FGD4: variants seen among roughly 807,000 people sequenced by gnomAD.
FGD4 encodes FYVE, RhoGEF and PH domain containing 4.
Under a neutral mutation model 102.0 loss-of-function variants are expected in FGD4, and 42 were observed. That is an observed-to-expected ratio of 0.41 (90% CI 0.32 to 0.53). The LOEUF is 0.53. FGD4 is among the 20% of genes least tolerant of loss of function. The probability of loss-of-function intolerance (pLI) is 0.21; values close to 1 mark genes in which losing one functional copy is unlikely to be tolerated. For synonymous variants in FGD4, 380 were observed against 375.7 expected, an observed-to-expected ratio of 1.01 and a Z score of -0.13; for missense variants, 902 against 1,078.2, an observed-to-expected ratio of 0.84 and a Z score of 2.29.
At chr12:32,593,689 T>G (rs4931023) in intron 4 of FGD4, among the ~76,000 whole-genome samples, 63,849 of 151,784 alleles carry the variant, frequency 0.42, 14,891 homozygotes, top group African/African-American at 0.63. Context: ...TACACAGTTA[T>G]ATCTGTTAGT....
At chr12:32,457,070 AG>A (rs1942967708) in intron 1 of FGD4, among the ~76,000 whole-genome samples, 1 of 152,192 alleles carries the variant, frequency 6.6e-6, no homozygotes, top group Non-Finnish European at 1.5e-5. Context: ...GACTTGATGA[AG>A]GGATTGAGTT....
At chr12:32,416,432 C>T (rs1042067856) in intron 1 of FGD4, among the ~76,000 whole-genome samples, 1 of 152,142 alleles carries the variant, frequency 6.6e-6, no homozygotes, top group South Asian at 2.1e-4. Context: ...TTCCTTCTTT[C>T]CTGTCTTCCT....
At chr12:32,576,196 G>C in intron 2 of FGD4, 70 bp from the exon 3 acceptor site, 4 of 1,483,968 alleles carry the variant, frequency 2.7e-6, no homozygotes, top group Non-Finnish European at 3.7e-6. Flanking sequence ...TTTGCACCCA[G>C]GACACCAGAA....
intron 5 of FGD4, among the ~76,000 whole-genome samples, chr12:32,599,308 C>A (rs1204718947): frequency 6.7e-6 from 1 of 148,844 alleles, no homozygotes; most frequent in East Asian, 2.0e-4. Flanking sequence ...TCCTGGCTAA[C>A]ACGGTGAAAC....
chr12:32,490,324 T>A (rs565022094), intron 1 of FGD4, among the ~76,000 whole-genome samples: 1 of 152,232 alleles, frequency 6.6e-6, no homozygotes, highest in East Asian at 1.9e-4. Flanking sequence ...TGGACTGTGT[T>A]TTCTATTTTA....
chr12:32,570,240 CAAAAA>C (rs150913094), intron 2 of FGD4, among the ~76,000 whole-genome samples: 3 of 67,626 alleles, frequency 4.4e-5, no homozygotes, highest in African/African-American at 5.1e-5. Flanking sequence ...GACGCTGTCT[CAAAAA>C]AAAAAAAAAA....
intron 1 of FGD4, among the ~76,000 whole-genome samples, chr12:32,518,655 T>C (rs545180664): frequency 1.3e-5 from 2 of 152,326 alleles, no homozygotes; most frequent in South Asian, 4.1e-4. Context: ...GTCCATGGCA[T>C]TTTAAGCATG....
chr12:32,408,555 G>A (rs771318792), intron 1 of FGD4, among the ~76,000 whole-genome samples: 52 of 152,128 alleles, frequency 3.4e-4, no homozygotes, highest in Non-Finnish European at 6.5e-4. Context: ...CACCTGCCTC[G>A]ACCTCACCAT....
intron 1 of FGD4, among the ~76,000 whole-genome samples, chr12:32,553,691 T>A (rs1943879995): frequency 6.6e-6 from 1 of 152,230 alleles, no homozygotes; most frequent in Non-Finnish European, 1.5e-5. Flanking sequence ...TCTCAAGCCA[T>A]TTGCTTTACC....
In FGD4 at chr12:32,580,756, G is replaced by A. The variant is rs368678862; in HGVS notation, c.504-1204G>A. 2.7e-3 allele frequency among the ~76,000 whole-genome samples: 403 copies of A among 152,068 alleles called. 1 individual carries two copies. Among genetic ancestry groups the A allele is most frequent in the African/African-American group, 8.8e-3 (367 of 41,504 alleles). ...CAAAAAATTAGCCGGGCGTGGTGGC[G>A]GGCGCCTGTAGTCCCAGCTACTCGG... On this transcript the variant is annotated intron_variant, in intron 3 of 16. Transcript: ENST00000534526.
At chr12:32,483,041 A>G (rs1290766326) in intron 1 of FGD4, among the ~76,000 whole-genome samples, 2 of 152,222 alleles carry the variant, frequency 1.3e-5, no homozygotes, top group Non-Finnish European at 2.9e-5. Flanking sequence ...GATACGGAAT[A>G]TAATGATGGT....
chr12:32,453,896 A>T (rs1942879085), intron 1 of FGD4, among the ~76,000 whole-genome samples: 1 of 152,064 alleles, frequency 6.6e-6, no homozygotes, highest in Non-Finnish European at 1.5e-5. Flanking sequence ...TAGGAGTCTG[A>T]TTTGCATCTA....
intron 15 of FGD4, among the ~76,000 whole-genome samples, chr12:32,636,231 G>T (rs936148788): frequency 4.6e-5 from 7 of 152,082 alleles, no homozygotes; most frequent in African/African-American, 1.4e-4. Context: ...CTGCTAACCA[G>T]TGCTGCTTTA....
At chr12:32,462,138 G>A (rs1943121552) in intron 1 of FGD4, among the ~76,000 whole-genome samples, 1 of 152,190 alleles carries the variant, frequency 6.6e-6, no homozygotes, top group Non-Finnish European at 1.5e-5. Context: ...GAAAGTTGGT[G>A]GGAAGATTAC....
intron 1 of FGD4, among the ~76,000 whole-genome samples, chr12:32,523,396 G>T (rs1592097582): frequency 6.6e-6 from 1 of 152,174 alleles, no homozygotes; most frequent in Non-Finnish European, 1.5e-5. Context: ...TCCATCTTTA[G>T]AATTTTTTCA....
chr12:32,546,522 C>G (rs1943233839), intron 1 of FGD4, among the ~76,000 whole-genome samples: 1 of 152,246 alleles, frequency 6.6e-6, no homozygotes. Context: ...GTGCAGGTAT[C>G]TGTCTCACTC....
intron 1 of FGD4, among the ~76,000 whole-genome samples, chr12:32,515,736 T>C (rs1939818888): frequency 6.6e-6 from 1 of 152,206 alleles, no homozygotes; most frequent in East Asian, 1.9e-4. Context: ...ATGAACTGCC[T>C]ATACCTCCTT....
chr12:32,519,224 A>G (rs1940247034), intron 1 of FGD4, among the ~76,000 whole-genome samples: 1 of 151,846 alleles, frequency 6.6e-6, no homozygotes, highest in Non-Finnish European at 1.5e-5. Flanking sequence ...AATATTTAGC[A>G]GGTTCTTACT....
At position 32,643,346 on chromosome 12, in the gene FGD4, C is replaced by T. The variant is rs148195158; in HGVS notation, c.*2813C>T. The T allele has an allele frequency of 3.5e-3, 534 of 152,536 alleles. No homozygotes were observed. Among genetic ancestry groups the T allele is most frequent in the Middle Eastern group, 0.014 (4 of 294 alleles). 9.4% of individuals were successfully genotyped at this position (152,536 alleles called of 1,614,324 possible). ...TACTGAAAATTTAATATGAAGGCCC[C>T]TTCCCACAAGAATATAGATAATTAT... On this transcript the variant is annotated 3_prime_UTR_variant, in exon 17 of 17. Coordinates refer to ENST00000534526, the MANE Select transcript of FGD4 (RefSeq NM_001370298.3).
Sources: allele counts gnomAD v4.1 joint callset (sites outside exome capture counted in the v4.1 genomes callset), GRCh38; gene constraint gnomAD v4.1.1; transcripts MANE v1.5; gene names NCBI Gene and HGNC (gene_info 2026-07-23, HGNC 2026-07-21).